Variants in MGAT5 observed in about 807,000 individuals in gnomAD.
The protein encoded by MGAT5 is alpha-1,6-mannosylglycoprotein 6-beta-N-acetylglucosaminyltransferase A.
MGAT5 carries 30 observed loss-of-function variants against 94.3 expected under a neutral mutation model. The observed-to-expected ratio is 0.32, with a 90% CI of 0.24 to 0.43. The LOEUF is 0.43. MGAT5 is among the 20% of genes least tolerant of loss of function. The probability of loss-of-function intolerance (pLI) is 1.00; values close to 1 mark genes in which losing one functional copy is unlikely to be tolerated. For missense variants in MGAT5, 691 were observed against 905.5 expected (o/e 0.76, Z 3.04); for synonymous variants, 310 against 322.9 (o/e 0.96, Z 0.43).
At chr2:134,142,641 T>C (rs1686711868) in intron 1 of MGAT5, among the ~76,000 whole-genome samples, 1 of 152,222 alleles carries the variant, frequency 6.6e-6, no homozygotes, top group Admixed American at 6.5e-5. Context: ...CTTCTGCGTT[T>C]TTATTGGTTT....
chr2:134,318,867 C>A, intron 4 of MGAT5, 128 bp downstream of exon 4: 1 of 585,824 alleles, frequency 1.7e-6, no homozygotes, highest in Non-Finnish European at 3.1e-6. Flanking sequence ...TTCCGTCCTT[C>A]ATTACTCTCC....
At chr2:134,366,739 C>T (rs1235689643) in intron 10 of MGAT5, among the ~76,000 whole-genome samples, 2 of 152,210 alleles carry the variant, frequency 1.3e-5, no homozygotes, top group Admixed American at 6.5e-5. Context: ...CAGGTGATAC[C>T]GGTGGGCTGT....
intron 1 of MGAT5, among the ~76,000 whole-genome samples, chr2:134,158,286 G>T (rs948536374): frequency 6.6e-6 from 1 of 152,192 alleles, no homozygotes; most frequent in Non-Finnish European, 1.5e-5. Flanking sequence ...CCTAAATTGT[G>T]CCAAGGGGCG....
chr2:134,299,870 G>C (rs1285602377), intron 2 of MGAT5, among the ~76,000 whole-genome samples: 1 of 152,124 alleles, frequency 6.6e-6, no homozygotes, highest in African/African-American at 2.4e-5. Context: ...AAACCTTGCT[G>C]CTGCTTAAGA....
At chr2:134,432,146 G>A (rs1038315599) in intron 14 of MGAT5, among the ~76,000 whole-genome samples, 3 of 152,198 alleles carry the variant, frequency 2.0e-5, no homozygotes, top group Non-Finnish European at 4.4e-5. Context: ...TTTTGTATTA[G>A]CCTCAGGTCA....
chr2:134,442,276 G>T (rs1685526623), intron 15 of MGAT5, among the ~76,000 whole-genome samples: 1 of 152,128 alleles, frequency 6.6e-6, no homozygotes, highest in Admixed American at 6.5e-5. Flanking sequence ...GGTATAGATG[G>T]ACCAGCTCCT....
intron 1 of MGAT5, among the ~76,000 whole-genome samples, chr2:134,207,632 C>G (rs1192192892): frequency 6.6e-6 from 1 of 151,832 alleles, no homozygotes; most frequent in Non-Finnish European, 1.5e-5. Context: ...TCGTTTACTT[C>G]TGCTAGGATC....
At chr2:134,232,289 T>C (rs1681410536) in intron 1 of MGAT5, among the ~76,000 whole-genome samples, 2 of 152,164 alleles carry the variant, frequency 1.3e-5, no homozygotes, top group African/African-American at 4.8e-5. Flanking sequence ...CAGCAGCCAA[T>C]ATCAAATATG....
intron 9 of MGAT5, among the ~76,000 whole-genome samples, chr2:134,351,197 C>T (rs923977034): frequency 2.6e-5 from 4 of 152,204 alleles, no homozygotes; most frequent in East Asian, 1.9e-4. Flanking sequence ...TATTACACAC[C>T]GTCCCTGGGG....
intron 1 of MGAT5, among the ~76,000 whole-genome samples, chr2:134,177,889 C>T (rs1312948694): frequency 6.6e-6 from 1 of 152,010 alleles, no homozygotes; most frequent in African/African-American, 2.4e-5. Flanking sequence ...GCTCGGTTCT[C>T]AAAAAGTACA....
chr2:134,365,230 C>T (rs1176060430), intron 10 of MGAT5, among the ~76,000 whole-genome samples: 1 of 152,206 alleles, frequency 6.6e-6, no homozygotes, highest in Non-Finnish European at 1.5e-5. Context: ...TCCTGCTTCA[C>T]TCTTCCCACC....
chr2:134,427,279 C>A (rs539716857), intron 13 of MGAT5, among the ~76,000 whole-genome samples: 1 of 152,228 alleles, frequency 6.6e-6, no homozygotes, highest in African/African-American at 2.4e-5. Flanking sequence ...CTGTTGGGCT[C>A]CCTGAAGCAA....
intron 10 of MGAT5, among the ~76,000 whole-genome samples, chr2:134,363,558 C>A (rs892990483): frequency 1.3e-5 from 2 of 152,210 alleles, no homozygotes; most frequent in Admixed American, 1.3e-4. Context: ...CTGACAGTGT[C>A]TGGAGACAAT....
chr2:134,243,253 G>C (rs1682064038), intron 1 of MGAT5, among the ~76,000 whole-genome samples: 1 of 152,006 alleles, frequency 6.6e-6, no homozygotes, highest in Non-Finnish European at 1.5e-5. Context: ...GTGATAGCTG[G>C]GCATCTCTAT....
At chr2:134,288,896 T>A (rs1046529421) in intron 2 of MGAT5, among the ~76,000 whole-genome samples, 1 of 152,180 alleles carries the variant, frequency 6.6e-6, no homozygotes, top group Non-Finnish European at 1.5e-5. Context: ...CTTCACTTGC[T>A]CAAACCTCTC....
chr2:134,326,053 T>TCTCTCTC (rs1553446921), intron 4 of MGAT5, among the ~76,000 whole-genome samples: 4 of 70,514 alleles, frequency 5.7e-5, no homozygotes, highest in Non-Finnish European at 9.4e-5. Flanking sequence ...TCTCTCTCTC[T>TCTCTCTC]TTTTTTTTTT....
intron 1 of MGAT5, among the ~76,000 whole-genome samples, chr2:134,182,638 G>A (rs1264923850): frequency 6.6e-6 from 1 of 152,098 alleles, no homozygotes; most frequent in Non-Finnish European, 1.5e-5. Flanking sequence ...GAAGCTCCTC[G>A]TGTTCCCGTT....
intron 1 of MGAT5, among the ~76,000 whole-genome samples, chr2:134,265,138 A>G (rs1226024417): frequency 2.0e-5 from 3 of 152,352 alleles, no homozygotes; most frequent in Non-Finnish European, 4.4e-5. Context: ...AGCATGTTCC[A>G]GGAAAAATGG....
upstream of MGAT5, among the ~76,000 whole-genome samples, chr2:134,251,672 T>G (rs1243813211): frequency 6.6e-6 from 1 of 152,248 alleles, no homozygotes; most frequent in Non-Finnish European, 1.5e-5. Flanking sequence ...TGGAGTACCA[T>G]GTGAGATTCA....
Sources: allele counts gnomAD v4.1 joint callset (sites outside exome capture counted in the v4.1 genomes callset), GRCh38; gene constraint gnomAD v4.1.1; transcripts MANE v1.5; gene names NCBI Gene and HGNC (gene_info 2026-07-23, HGNC 2026-07-21).